The following ADAMTS3 variants were observed in gnomAD, a reference collection of about 807,000 sequenced individuals.
ADAMTS3 encodes ADAM metallopeptidase with thrombospondin type 1 motif 3, also known as A disintegrin and metalloproteinase with thrombospondin motifs 3.
ADAMTS3 carries 73 observed loss-of-function variants against 129.0 expected under a neutral mutation model. The observed-to-expected ratio is 0.57, with a 90% CI of 0.47 to 0.69. ADAMTS3 has a LOEUF of 0.69. Ranked by LOEUF, ADAMTS3 falls within the 30% of genes least tolerant of loss-of-function variation. The pLI, the probability that ADAMTS3 is intolerant of heterozygous loss-of-function variation, is 0.00. For synonymous variants in ADAMTS3, 477 were observed against 510.8 expected, an observed-to-expected ratio of 0.93 and a Z score of 0.89; for missense variants, 1,457 against 1,514.5, an observed-to-expected ratio of 0.96 and a Z score of 0.63.
At chr4:72,552,643 T>C (rs1276800389) in intron 2 of ADAMTS3, among the ~76,000 whole-genome samples, 1 of 152,186 alleles carries the variant, frequency 6.6e-6, no homozygotes, top group Non-Finnish European at 1.5e-5. Flanking sequence ...CCACTCAAAG[T>C]AAAATGGCTC....
intron 17 of ADAMTS3, among the ~76,000 whole-genome samples, chr4:72,299,928 T>C (rs1718908259): frequency 6.6e-6 from 1 of 152,098 alleles, no homozygotes; most frequent in South Asian, 2.1e-4. Flanking sequence ...AAAGCTGCCT[T>C]TAAAAAAATT....
In ADAMTS3 at chr4:72,568,710, G is replaced by C; in HGVS notation, c.53C>G (p.Thr18Ser). 1 of 1,613,708 alleles carries C rather than the reference G, an allele frequency of 6.2e-7. No individual in the cohort carries two copies. The highest frequency in any genetic ancestry group is 8.5e-7 in the Non-Finnish European group (1 of 1,179,840). ...TCCACTTACTTGTCCATCAGCTGAA[G>C]TCCTAACCTCTACCAGAGCGGCTGC... The part of the protein sequence containing the change: ...LIAAALVEVR[T>S]SADGQAGNEE... The change falls in exon 1 of 22, where the codon ACT (threonine) becomes AGT (serine). Residue 18 changes from threonine to serine, a missense_variant. Coordinates refer to ENST00000286657, the MANE Select transcript of ADAMTS3 (RefSeq NM_014243.3).
At chr4:72,550,047 AAGAGGAAGAG>A (rs1560564149) in intron 2 of ADAMTS3, among the ~76,000 whole-genome samples, 230 of 18,374 alleles carry the variant, frequency 0.013, 50 homozygotes, top group Non-Finnish European at 0.017. Flanking sequence ...GAAGAAGAGG[AAGAGGAAGAG>A]GAAGAGGAAG....
intron 2 of ADAMTS3, among the ~76,000 whole-genome samples, chr4:72,559,643 AG>A (rs1721851962): frequency 1.3e-5 from 2 of 151,242 alleles, no homozygotes; most frequent in African/African-American, 4.9e-5. Context: ...TTTTAAAAAA[AG>A]AAAAAGAAAC....
At chr4:72,441,097 T>C (rs1034304752) in intron 3 of ADAMTS3, among the ~76,000 whole-genome samples, 1 of 151,716 alleles carries the variant, frequency 6.6e-6, no homozygotes, top group African/African-American at 2.4e-5. Flanking sequence ...GGCAACCACT[T>C]CCTGATTTCT....
chr4:72,525,588 C>T (rs190438253), intron 3 of ADAMTS3, among the ~76,000 whole-genome samples: 5 of 152,262 alleles, frequency 3.3e-5, no homozygotes, highest in Admixed American at 2.6e-4. Context: ...CAAGATGAAA[C>T]GTAAGTAAAA....
chr4:72,301,171 A>T (rs1335679101), intron 17 of ADAMTS3, among the ~76,000 whole-genome samples: 1 of 152,206 alleles, frequency 6.6e-6, no homozygotes, highest in African/African-American at 2.4e-5. Flanking sequence ...AAAATGTATA[A>T]CTCTAAAACA....
chr4:72,498,492 AG>A (rs1719926353), intron 3 of ADAMTS3, among the ~76,000 whole-genome samples: 1 of 152,092 alleles, frequency 6.6e-6, no homozygotes, highest in Non-Finnish European at 1.5e-5. Flanking sequence ...ACAACTTTCA[AG>A]GTAATAAAGA....
chr4:72,317,089 A>T (rs1719416950), intron 10 of ADAMTS3, among the ~76,000 whole-genome samples: 1 of 152,182 alleles, frequency 6.6e-6, no homozygotes, highest in Admixed American at 6.6e-5. Flanking sequence ...ACATCTTACC[A>T]ATCATTATAT....
chr4:72,377,202 G>A (rs914822621), intron 4 of ADAMTS3, among the ~76,000 whole-genome samples: 17 of 152,084 alleles, frequency 1.1e-4, no homozygotes, highest in Non-Finnish European at 1.5e-5. Context: ...TGTGTGTCTT[G>A]CCTCACTGGT....
intron 6 of ADAMTS3, among the ~76,000 whole-genome samples, chr4:72,321,168 T>C (rs1307936747): frequency 6.6e-6 from 1 of 152,108 alleles, no homozygotes; most frequent in Admixed American, 6.6e-5. Flanking sequence ...ATACCATTTA[T>C]GAGAATGGTT....
intron 3 of ADAMTS3, among the ~76,000 whole-genome samples, chr4:72,428,198 C>G (rs62319890): frequency 6.6e-6 from 1 of 151,852 alleles, no homozygotes; most frequent in Non-Finnish European, 1.5e-5. Flanking sequence ...CCACCTACCC[C>G]AATTTTCTGA....
chr4:72,420,459 C>T (rs1722413963), intron 3 of ADAMTS3, among the ~76,000 whole-genome samples: 1 of 152,184 alleles, frequency 6.6e-6, no homozygotes, highest in Non-Finnish European at 1.5e-5. Context: ...AAAGAGCATA[C>T]ACGGACTACC....
chr4:72,388,771 T>C (rs1228924834), intron 4 of ADAMTS3, among the ~76,000 whole-genome samples: 1 of 152,080 alleles, frequency 6.6e-6, no homozygotes, highest in Admixed American at 6.5e-5. Context: ...ATAGTCCTGT[T>C]CATGGTTAGG....
At chr4:72,476,379 T>C (rs1306278577) in intron 3 of ADAMTS3, among the ~76,000 whole-genome samples, 1 of 151,964 alleles carries the variant, frequency 6.6e-6, no homozygotes, top group Non-Finnish European at 1.5e-5. Flanking sequence ...CAAAATAAAC[T>C]ACTTCCCCAA....
chr4:72,397,562 T>TACACACAC (rs35076637), intron 4 of ADAMTS3, among the ~76,000 whole-genome samples: 4 of 147,586 alleles, frequency 2.7e-5, no homozygotes, highest in Admixed American at 6.8e-5. Context: ...GAGACTCTAT[T>TACACACAC]ACACACACAC....
At chr4:72,286,752 G>A (rs1718515959) in intron 21 of ADAMTS3, among the ~76,000 whole-genome samples, 4 of 152,124 alleles carry the variant, frequency 2.6e-5, no homozygotes, top group Non-Finnish European at 1.5e-5. Context: ...ATGGGGATGG[G>A]TGGGCTAGGA....
At chr4:72,349,504 A>G (rs1720371393) in intron 4 of ADAMTS3, among the ~76,000 whole-genome samples, 1 of 152,074 alleles carries the variant, frequency 6.6e-6, no homozygotes, top group African/African-American at 2.4e-5. Context: ...CTCCCATTTA[A>G]CGAGCACAGT....
At chr4:72,361,618 A>G (rs940871627) in intron 4 of ADAMTS3, among the ~76,000 whole-genome samples, 3 of 152,136 alleles carry the variant, frequency 2.0e-5, no homozygotes, top group Non-Finnish European at 4.4e-5. Flanking sequence ...TGATACATCC[A>G]TATATTCCTA....
Sources: gnomAD v4.1 joint callset for allele counts (sites outside exome capture counted in the v4.1 genomes callset) on GRCh38, gnomAD v4.1.1 for gene constraint, MANE v1.5 for transcripts, NCBI Gene and HGNC (gene_info 2026-07-23, HGNC 2026-07-21) for gene names.